The following LDLRAD3 variants were observed in gnomAD, a reference collection of about 807,000 sequenced individuals.
LDLRAD3 encodes the protein low density lipoprotein receptor class A domain containing 3, also known as low-density lipoprotein receptor class A domain-containing protein 3.
Under a neutral mutation model 29.4 loss-of-function variants are expected in LDLRAD3, and 20 were observed. That is an observed-to-expected ratio of 0.68 (90% CI 0.48 to 0.99). LDLRAD3 has a LOEUF of 0.99. LDLRAD3 is among the 50% of genes least tolerant of loss of function. The pLI is 0.00. For synonymous variants in LDLRAD3, 157 were observed against 192.7 expected (o/e 0.81, Z 1.53); for missense variants, 420 against 454.3 (o/e 0.92, Z 0.69).
chr11:35,984,181 A>G (rs946746724), intron 1 of LDLRAD3, among the ~76,000 whole-genome samples: 1 of 152,206 alleles, frequency 6.6e-6, no homozygotes, highest in African/African-American at 2.4e-5. Flanking sequence ...ACTAATTGCA[A>G]AATAAACATC....
chr11:36,141,748 G>A (rs140874949), intron 4 of LDLRAD3, among the ~76,000 whole-genome samples: 2 of 152,116 alleles, frequency 1.3e-5, no homozygotes, highest in East Asian at 1.9e-4. Context: ...CCCCCGGCCC[G>A]AGCAGACAAG....
chr11:35,994,849 T>C (rs772062762), intron 1 of LDLRAD3, among the ~76,000 whole-genome samples: 27 of 152,216 alleles, frequency 1.8e-4, no homozygotes, highest in Admixed American at 3.3e-4. Flanking sequence ...CTTTGTTTGC[T>C]CATCTGTAAG....
At chr11:36,137,954 G>A (rs1420710279) in intron 4 of LDLRAD3, among the ~76,000 whole-genome samples, 2 of 152,192 alleles carry the variant, frequency 1.3e-5, no homozygotes, top group East Asian at 1.9e-4. Flanking sequence ...TGAGATAAGA[G>A]GAAAGTGTTC....
At chr11:36,079,062 C>G in intron 2 of LDLRAD3, among the ~76,000 whole-genome samples, 1 of 152,124 alleles carries the variant, frequency 6.6e-6, no homozygotes, top group East Asian at 1.9e-4. Flanking sequence ...CCCTCAGGGA[C>G]GCAGGGCACA....
chr11:36,040,260 G>A (rs1008094744), intron 2 of LDLRAD3, among the ~76,000 whole-genome samples: 6 of 152,204 alleles, frequency 3.9e-5, no homozygotes, highest in Non-Finnish European at 8.8e-5. Context: ...CAGCTCTTCT[G>A]TATCCACAGC....
intron 4 of LDLRAD3, among the ~76,000 whole-genome samples, chr11:36,160,680 G>A (rs188826936): frequency 4.0e-5 from 6 of 151,786 alleles, no homozygotes; most frequent in Admixed American, 1.3e-4. Context: ...TTTCATATTG[G>A]TTTTCAGTTT....
Position 36,045,965 on chromosome 11 carries a change from G to A in LDLRAD3, c.193+9716G>A, listed in dbSNP as rs550746328. On this transcript the variant is annotated intron_variant, in intron 2 of 5. Coordinates refer to ENST00000315571, the MANE Select transcript of LDLRAD3 (RefSeq NM_174902.4). Reference sequence around the variant, plus strand: ...TTGTCCTAATGCTCTCCCTCCCTTCGTCCCCCACCCCCAACAGGCCCCAGT... The same window carrying A: ...TTGTCCTAATGCTCTCCCTCCCTTCATCCCCCACCCCCAACAGGCCCCAGT... 3.0e-4 allele frequency among the ~76,000 whole-genome samples: 46 copies of A among 151,684 alleles called. 1 individual carries two copies. Among genetic ancestry groups the A allele is most frequent in the South Asian group, 2.3e-3 (11 of 4,790 alleles).
At chr11:36,099,906 T>G (rs1170588119) in intron 4 of LDLRAD3, among the ~76,000 whole-genome samples, 2 of 152,188 alleles carry the variant, frequency 1.3e-5, no homozygotes, top group African/African-American at 4.8e-5. Flanking sequence ...TAGAATTAGC[T>G]TCTGATTGTC....
chr11:36,208,363 G>A (rs562704368), intron 4 of LDLRAD3, among the ~76,000 whole-genome samples: 6 of 152,302 alleles, frequency 3.9e-5, no homozygotes, highest in South Asian at 2.1e-4. Flanking sequence ...ATCAAGGCGC[G>A]AGCAGGTTCA....
intron 3 of LDLRAD3, among the ~76,000 whole-genome samples, chr11:36,092,108 A>C (rs193041996): frequency 7.2e-5 from 11 of 152,302 alleles, no homozygotes; most frequent in South Asian, 6.2e-4. Flanking sequence ...ACAGGAATCT[A>C]TCTGAGACGT....
In LDLRAD3 at chr11:36,230,769, T is replaced by C. The variant is rs897648479; in HGVS notation, c.*1372T>C. 5 of 152,636 alleles carry C rather than the reference T, an allele frequency of 3.3e-5. No homozygotes were observed. The highest frequency in any genetic ancestry group is 1.9e-4 in the East Asian group (1 of 5,200). 9.5% of individuals were successfully genotyped at this position (152,636 alleles called of 1,614,324 possible). On this transcript the variant is annotated 3_prime_UTR_variant, in exon 6 of 6. Transcript: ENST00000315571. ...TCCTTTAACAAGGTCCAAAGAAAGA[T>C]GCAAAAGGAGATCACACCCTTGCCC...
At chr11:36,054,339 C>T (rs1210626877) in intron 2 of LDLRAD3, among the ~76,000 whole-genome samples, 3 of 152,140 alleles carry the variant, frequency 2.0e-5, no homozygotes, top group Non-Finnish European at 4.4e-5. Flanking sequence ...TGTATGACTG[C>T]AGGGGATGTG....
At chr11:36,125,876 T>C (rs1590288252) in intron 4 of LDLRAD3, among the ~76,000 whole-genome samples, 1 of 151,948 alleles carries the variant, frequency 6.6e-6, no homozygotes, top group Non-Finnish European at 1.5e-5. Flanking sequence ...TCCTGTTCCG[T>C]CCCCTCCCAT....
chr11:35,958,154 C>T lies in LDLRAD3; in HGVS notation c.46+14010C>T, dbSNP rs377649793. 3.3e-5 allele frequency among the ~76,000 whole-genome samples: 5 copies of T among 152,282 alleles called. No homozygotes were observed. The South Asian group carries it at 1.0e-3, about 32-fold the overall frequency. ...CTCCAGTAAGGTGGCCACTAGCCAC[C>T]TGGGGCTACTGAAATTTAAATTAGT... On this transcript the variant is annotated intron_variant, in intron 1 of 5. Coordinates refer to ENST00000315571, the MANE Select transcript of LDLRAD3 (RefSeq NM_174902.4).
chr11:36,208,464 G>A lies in LDLRAD3; in HGVS notation c.455-18621G>A, dbSNP rs1045150027. On this transcript the variant is annotated intron_variant, in intron 4 of 5. Transcript: ENST00000315571. ...ACAATCACTGTGTCCCCAGGTGGCC[G>A]AAGGGCAGCTAGCCAAACATTGCAT... is the stretch of plus-strand genomic sequence containing the variant. Among the ~76,000 whole-genome samples the A allele has an allele frequency of 9.9e-5, 15 of 152,282 alleles. No individual in the cohort carries two copies. The East Asian group carries it at 2.1e-3, about 22-fold the overall frequency.
At chr11:35,984,469 A>G (rs1398364804) in intron 1 of LDLRAD3, among the ~76,000 whole-genome samples, 1 of 152,186 alleles carries the variant, frequency 6.6e-6, no homozygotes, top group African/African-American at 2.4e-5. Flanking sequence ...CTTTTCAGCA[A>G]GGAAATCTTT....
intron 4 of LDLRAD3, among the ~76,000 whole-genome samples, chr11:36,226,184 T>TAGCACAACGTATAGCTATG: frequency 6.6e-6 from 1 of 152,318 alleles, no homozygotes; most frequent in South Asian, 2.1e-4. Flanking sequence ...TATTGACTCA[T>TAGCACAACGTATAGCTATG]TTCAGGCTCA....
At chr11:35,993,361 C>G (rs1274730714) in intron 1 of LDLRAD3, among the ~76,000 whole-genome samples, 1 of 152,186 alleles carries the variant, frequency 6.6e-6, no homozygotes, top group East Asian at 1.9e-4. Flanking sequence ...AGCATAGTGT[C>G]TGACACCCTG....
intron 2 of LDLRAD3, among the ~76,000 whole-genome samples, chr11:36,054,016 A>G (rs1294160765): frequency 6.6e-6 from 1 of 152,216 alleles, no homozygotes; most frequent in Non-Finnish European, 1.5e-5. Context: ...TTGTATAATC[A>G]TCCTCTGATG....
Sources: allele counts gnomAD v4.1 joint callset (sites outside exome capture counted in the v4.1 genomes callset), GRCh38; gene constraint gnomAD v4.1.1; transcripts MANE v1.5; gene names NCBI Gene and HGNC (gene_info 2026-07-23, HGNC 2026-07-21).